KYAT3: variants seen among roughly 807,000 people sequenced by gnomAD.
KYAT3 encodes the protein kynurenine--oxoglutarate transaminase 3.
In KYAT3, 50 loss-of-function variants were observed where a neutral mutation model predicts 59.0. That is an observed-to-expected ratio of 0.85 (90% CI 0.68 to 1.07). The LOEUF is 1.07. KYAT3 is among the 50% of genes least tolerant of loss of function. The pLI, the probability that KYAT3 is intolerant of heterozygous loss-of-function variation, is 0.00. For synonymous variants in KYAT3, 148 were observed against 177.0 expected (o/e 0.84, Z 1.30); for missense variants, 497 against 533.3 (o/e 0.93, Z 0.67).
the KYAT3 span, among the ~76,000 whole-genome samples, chr1:88,924,996 C>T: frequency 3.9e-5 from 6 of 152,256 alleles, no homozygotes; most frequent in Admixed American, 3.3e-4. Flanking sequence ...CCGCCGCCAT[C>T]TTGGGAGCTC....
intron 2 of KYAT3, among the ~76,000 whole-genome samples, chr1:88,973,383 T>C (rs1393967414): frequency 1.3e-5 from 2 of 152,216 alleles, no homozygotes; most frequent in Non-Finnish European, 2.9e-5. Context: ...CTATACAATG[T>C]TCGGAGTCAC....
intron 2 of KYAT3, among the ~76,000 whole-genome samples, chr1:88,970,062 T>G (rs1482389538): frequency 6.6e-6 from 1 of 152,218 alleles, no homozygotes; most frequent in Non-Finnish European, 1.5e-5. Context: ...GCTTGTAATG[T>G]AGTAAAGAGA....
intron 11 of KYAT3, 72 bp downstream of exon 11, chr1:88,949,019 T>C (rs964483767): frequency 2.9e-5 from 38 of 1,292,100 alleles, no homozygotes; most frequent in Non-Finnish European, 3.9e-5. Flanking sequence ...ACACCAATCT[T>C]TTCTCCATAA....
intron 2 of KYAT3, among the ~76,000 whole-genome samples, chr1:88,970,952 G>T (rs1329371123): frequency 6.6e-6 from 1 of 152,144 alleles, no homozygotes; most frequent in African/African-American, 2.4e-5. Flanking sequence ...AAACTCCAGT[G>T]AAGTAAATCA....
At chr1:88,942,943 A>G in intron 13 of KYAT3, 62 bp downstream of exon 13, 1 of 1,181,910 alleles carries the variant, frequency 8.5e-7, no homozygotes. Flanking sequence ...AGAAGAAAAT[A>G]GTACTTTAAA....
rs1675038046 is a variant in KYAT3, at chr1:88,936,342, A to G, written c.1303-97T>C. On this transcript the variant is annotated intron_variant, in intron 13 of 13. Transcript: ENST00000260508. Reference sequence around the variant, plus strand: ...TACAACATAATGAAGATTTAAGTGAATATCTGATCTCAAGTGAAGAAAAAT... The same window carrying G: ...TACAACATAATGAAGATTTAAGTGAGTATCTGATCTCAAGTGAAGAAAAAT... The G allele has an allele frequency of 6.4e-6, 6 of 939,196 alleles. No homozygotes were observed. The Admixed American group carries it at 7.0e-5, about 11-fold the overall frequency. 58.2% of individuals were successfully genotyped at this position (939,196 alleles called of 1,614,324 possible). A position where few individuals can be genotyped will look rare whatever the true frequency, so the allele number is the denominator to read the frequency against.
intron 11 of KYAT3, among the ~76,000 whole-genome samples, chr1:88,947,550 G>A (rs2101024407): frequency 6.6e-6 from 1 of 152,274 alleles, no homozygotes; most frequent in South Asian, 2.1e-4. Context: ...GGGATGTCTG[G>A]TCATGGGTCA....
At chr1:88,930,756 C>T in the KYAT3 span, among the ~76,000 whole-genome samples, 2 of 152,146 alleles carry the variant, frequency 1.3e-5, no homozygotes, top group Admixed American at 6.5e-5. Context: ...TTCCCAACTT[C>T]CGAGGGATCA....
downstream of KYAT3, among the ~76,000 whole-genome samples, chr1:88,935,240 T>G (rs2101006248): frequency 6.6e-6 from 1 of 151,134 alleles, no homozygotes; most frequent in East Asian, 2.0e-4. Context: ...TGAATTCAAG[T>G]GATCCACCCG....
chr1:88,934,107 C>A (rs12410691), downstream of KYAT3, among the ~76,000 whole-genome samples: 7,668 of 152,112 alleles, frequency 0.05, 583 homozygotes, highest in African/African-American at 0.16. Context: ...TTTAATCATG[C>A]TACTGTGGTA....
At chr1:88,967,955 G>T (rs1676407305) in intron 4 of KYAT3, among the ~76,000 whole-genome samples, 1 of 152,092 alleles carries the variant, frequency 6.6e-6, no homozygotes, top group Non-Finnish European at 1.5e-5. Flanking sequence ...TGTAGGGTGG[G>T]CCAGGGAGTG....
At chr1:88,969,365 G>T in intron 3 of KYAT3, 44 bp downstream of exon 3, 1 of 1,181,366 alleles carries the variant, frequency 8.5e-7, no homozygotes, top group Non-Finnish European at 1.3e-6. Flanking sequence ...ACGAAAATAT[G>T]TAGGAAACCC....
intron 1 of KYAT3, among the ~76,000 whole-genome samples, 154 bp downstream of exon 1, chr1:88,992,431 C>T (rs1677863140): frequency 1.3e-5 from 2 of 152,348 alleles, no homozygotes; most frequent in South Asian, 2.1e-4. Context: ...AACTGCTAAT[C>T]TAGGGCCGAC....
chr1:88,982,880 G>A (rs1335873251), intron 2 of KYAT3: 5 of 1,613,810 alleles, frequency 3.1e-6, no homozygotes, highest in Non-Finnish European at 4.2e-6. Context: ...TCCATCACGT[G>A]AGCTGCTATA....
At chr1:88,923,450 A>C in the KYAT3 span, 2,257 of 157,730 alleles carry the variant, frequency 0.014, 56 homozygotes, top group African/African-American at 0.051. Context: ...ACCTGCCATA[A>C]GCCTGTATGT....
At chr1:88,924,547 C>T in the KYAT3 span, among the ~76,000 whole-genome samples, 1 of 152,190 alleles carries the variant, frequency 6.6e-6, no homozygotes, top group Admixed American at 6.5e-5. Flanking sequence ...CCTTTGGGTC[C>T]CCTCCCTTCG....
intron 2 of KYAT3, among the ~76,000 whole-genome samples, chr1:88,973,085 T>C (rs1277570625): frequency 1.3e-5 from 2 of 152,176 alleles, no homozygotes; most frequent in Non-Finnish European, 2.9e-5. Context: ...GATCTGGACA[T>C]ATACATAGAC....
rs1315428969 is a variant in KYAT3, at chr1:88,935,940, A to G, written c.*243T>C. The G allele has an allele frequency of 4.6e-6, 2 of 434,894 alleles. No individual in the cohort carries two copies. Among genetic ancestry groups the G allele is most frequent in the Non-Finnish European group, 8.2e-6 (2 of 243,858 alleles). The allele number at this position is 434,894 out of a possible 1,614,324, so 26.9% of individuals were successfully genotyped here. A position where few individuals can be genotyped will look rare whatever the true frequency, so the allele number is the denominator to read the frequency against. On this transcript the variant is annotated 3_prime_UTR_variant, in exon 14 of 14. Transcript: ENST00000260508. ...GTTAAACATCTCACATTTCTTATCC[A>G]CTATGTTATGCTGACTCTTATAAAA...
At chr1:88,931,565 G>A (rs543971217), downstream of KYAT3, among the ~76,000 whole-genome samples, 35 of 152,172 alleles carry the variant, frequency 2.3e-4, 2 homozygotes, top group South Asian at 6.9e-3. Context: ...CCTGTTGAGA[G>A]GGGGGACTGA....
Sources: gnomAD v4.1 joint callset for allele counts (sites outside exome capture counted in the v4.1 genomes callset) on GRCh38, gnomAD v4.1.1 for gene constraint, MANE v1.5 for transcripts, NCBI Gene and HGNC (gene_info 2026-07-23, HGNC 2026-07-21) for gene names.